Variants in RPE65 observed in about 807,000 individuals in gnomAD.
The protein encoded by RPE65 is retinoid isomerohydrolase RPE65, also known as retinoid isomerohydrolase.
RPE65 carries 58 observed loss-of-function variants against 68.5 expected under a neutral mutation model. The ratio of observed to expected loss-of-function variants is 0.85; its 90% CI spans 0.69 to 1.05. The LOEUF (loss-of-function observed/expected upper bound fraction) is 1.05. Among genes scored for constraint, RPE65 ranks in the 50% least tolerant of loss-of-function variants. The pLI is 0.00. For synonymous variants in RPE65, 220 were observed against 222.2 expected, an observed-to-expected ratio of 0.99 and a Z score of 0.09; for missense variants, 643 against 629.9, an observed-to-expected ratio of 1.02 and a Z score of -0.22.
At chr1:68,445,762 C>T (rs1366205963) in intron 3 of RPE65, among the ~76,000 whole-genome samples, 1 of 152,008 alleles carries the variant, frequency 6.6e-6, no homozygotes, top group East Asian at 1.9e-4. Flanking sequence ...GTGATCTGGC[C>T]GCCTTGGCCT....
chr1:68,441,108 A>G, intron 5 of RPE65, 108 bp from the exon 6 acceptor site: 1 of 1,306,736 alleles, frequency 7.7e-7, no homozygotes, highest in Non-Finnish European at 1.1e-6. Context: ...TCCTAAGTGC[A>G]CTTCTCTTTC....
intron 10 of RPE65, among the ~76,000 whole-genome samples, chr1:68,432,725 T>C (rs987461991): frequency 6.6e-6 from 1 of 151,944 alleles, no homozygotes; most frequent in Non-Finnish European, 1.5e-5. Context: ...CATTGGAGGG[T>C]TTTCAGCACA....
At chr1:68,435,416 T>C (rs1181171380) in intron 10 of RPE65, among the ~76,000 whole-genome samples, 1 of 152,192 alleles carries the variant, frequency 6.6e-6, no homozygotes, top group Non-Finnish European at 1.5e-5. Context: ...CTTACATATT[T>C]CATTATCATT....
In RPE65 at chr1:68,429,589, A is replaced by AC; in HGVS notation, c.*186dup. On this transcript the variant is annotated 3_prime_UTR_variant, in exon 14 of 14. Transcript: ENST00000262340. ...AGGAAGTATGATTATCTAAATACGT[A>AC]CTTTTTTTTTTAAATAAAGGAATTG... 1.6e-6 allele frequency: 1 copy of AC among 637,234 alleles called. No homozygotes were observed. 39.5% of individuals were successfully genotyped at this position (637,234 alleles called of 1,614,324 possible). A position where few individuals can be genotyped will look rare whatever the true frequency, so the allele number is the denominator to read the frequency against.
At chr1:68,438,725 G>A (rs578074076) in intron 9 of RPE65, among the ~76,000 whole-genome samples, 7 of 152,240 alleles carry the variant, frequency 4.6e-5, no homozygotes, top group African/African-American at 1.4e-4. Context: ...TTTGTTTTCA[G>A]GTGGGGTTCA....
intron 5 of RPE65, among the ~76,000 whole-genome samples, chr1:68,443,590 T>A (rs2100825735): frequency 6.6e-6 from 1 of 152,312 alleles, no homozygotes; most frequent in East Asian, 1.9e-4. Context: ...CCCAAAGCCT[T>A]TCCCTTTAAG....
chr1:68,438,851 GT>G, intron 9 of RPE65, 90 bp downstream of exon 9: 2 of 1,495,728 alleles, frequency 1.3e-6, no homozygotes, highest in Non-Finnish European at 1.9e-6. Flanking sequence ...TGTTTTAGAT[GT>G]GATTCAGATT....
At chr1:68,445,144 G>A (rs981030484) in intron 3 of RPE65, among the ~76,000 whole-genome samples, 1 of 152,130 alleles carries the variant, frequency 6.6e-6, no homozygotes, top group Non-Finnish European at 1.5e-5. Context: ...ATTGGCATAT[G>A]TGGCCAAGCT....
intron 13 of RPE65, 83 bp from the exon 14 acceptor site, chr1:68,430,010 G>A (rs1312717025): frequency 1.3e-6 from 2 of 1,537,692 alleles, no homozygotes. Flanking sequence ...TAATATAGGA[G>A]GTATTACATT....
chr1:68,440,008 T>G (rs944472176), intron 6 of RPE65, among the ~76,000 whole-genome samples: 5 of 152,144 alleles, frequency 3.3e-5, no homozygotes, highest in Non-Finnish European at 7.3e-5. Context: ...GGATATAGTT[T>G]AGATGGGTTT....
chr1:68,439,007 G>A lies in RPE65; in HGVS notation c.933C>T (p.Leu311=). 6.2e-7 allele frequency: 1 copy of A among 1,614,140 alleles called. No individual in the cohort carries two copies. Among genetic ancestry groups the A allele is most frequent in the Non-Finnish European group, 8.5e-7 (1 of 1,179,992 alleles). The part of the protein sequence containing the change: ...NNKYRTSPFN[L]FHHINTYEDN... ...CTTCATAGGTGTTGATGTGATGGAA[G>A]AGGTTGAAAGGAGAAGTTCTGTATT... The change falls in exon 9 of 14, where the codon CTC becomes CTT. Residue 311 remains leucine (L), a synonymous_variant. Transcript: ENST00000262340.
intron 1 of RPE65, 29 bp from the exon 2 acceptor site, chr1:68,448,735 C>A (rs748053581): frequency 6.3e-7 from 1 of 1,597,820 alleles, no homozygotes; most frequent in Non-Finnish European, 8.6e-7. Flanking sequence ...AAGGAAGAAG[C>A]CCATGTTGAT....
chr1:68,443,858 C>T (rs1388769712), intron 5 of RPE65, among the ~76,000 whole-genome samples: 1 of 152,138 alleles, frequency 6.6e-6, no homozygotes, highest in East Asian at 1.9e-4. Context: ...TCCCTAAGTT[C>T]TCCATAAAAT....
intron 1 of RPE65, among the ~76,000 whole-genome samples, 189 bp downstream of exon 1, chr1:68,449,706 C>G (rs532159118): frequency 6.6e-6 from 1 of 152,282 alleles, no homozygotes; most frequent in African/African-American, 2.4e-5. Context: ...ACACAAACCC[C>G]CCATAATTTG....
intron 3 of RPE65, among the ~76,000 whole-genome samples, chr1:68,445,659 G>A (rs996526731): frequency 5.9e-5 from 9 of 151,970 alleles, no homozygotes; most frequent in African/African-American, 2.2e-4. Flanking sequence ...GACTACAGGC[G>A]TGTACCACCA....
At chr1:68,434,775 G>C (rs188455857) in intron 10 of RPE65, among the ~76,000 whole-genome samples, 1,542 of 151,976 alleles carry the variant, frequency 0.01, 17 homozygotes, top group Non-Finnish European at 0.013. Flanking sequence ...TGTTTTGTTT[G>C]TTTGTTTGTT....
At position 68,431,531 on chromosome 1, in the gene RPE65, G is replaced by T. The variant is rs760264027; in HGVS notation, c.1183C>A (p.Leu395Met). ...TLPNTTATAI[L>M]CSDETIWLEP... The stretch of plus-strand genomic sequence containing the variant: ...AGCCAGATAGTCTCGTCACTGCACA[G>T]AATTGCAGTGGCAGTTGTATTGGGG... Residue 395 changes from leucine (L) to methionine (M), a missense_variant, in exon 11 of 14, where the codon CTG becomes ATG. Transcript: ENST00000262340. 1.1e-5 allele frequency: 18 copies of T among 1,613,832 alleles called. No homozygotes were observed. Among genetic ancestry groups the T allele is most frequent in the Non-Finnish European group, 1.5e-5 (18 of 1,179,900 alleles).
chr1:68,443,723 G>A (rs1645919820), intron 5 of RPE65, among the ~76,000 whole-genome samples: 1 of 151,964 alleles, frequency 6.6e-6, no homozygotes, highest in South Asian at 2.1e-4. Flanking sequence ...TCCTATTACA[G>A]TTACATATTT....
At position 68,431,355 on chromosome 1, in the gene RPE65, T is replaced by C. The variant is rs767599203; in HGVS notation, c.1265A>G (p.Asn422Ser). 81 of 1,613,986 alleles carry C rather than the reference T, an allele frequency of 5.0e-5. No homozygotes were observed. Among genetic ancestry groups the C allele is most frequent in the Non-Finnish European group, 6.7e-5 (79 of 1,179,926 alleles). Reference protein sequence around the residue: ...PRQAFEFPQINYQKYCGKPYT... With the variant: ...PRQAFEFPQISYQKYCGKPYT... ...AGGTTTCCCACAATACTTCTGGTAA[T>C]TGATTTGAGGAAACTCAAATGCTAC... Residue 422 changes from asparagine to serine, a missense_variant, in exon 12 of 14, where the codon AAT becomes AGT. Transcript: ENST00000262340.
Sources: allele counts gnomAD v4.1 joint callset (sites outside exome capture counted in the v4.1 genomes callset), GRCh38; gene constraint gnomAD v4.1.1; transcripts MANE v1.5; gene names NCBI Gene and HGNC (gene_info 2026-07-23, HGNC 2026-07-21).